Variants in TMEM87B observed in about 807,000 individuals in gnomAD.
TMEM87B encodes transmembrane protein 87B.
A neutral mutation model predicts 80.3 loss-of-function variants in TMEM87B; 83 were observed. The observed-to-expected ratio is 1.03, with a 90% CI of 0.87 to 1.24. The LOEUF (loss-of-function observed/expected upper bound fraction) is 1.24. Among genes scored for constraint, TMEM87B ranks in the 50% most tolerant of loss-of-function variants. TMEM87B has a pLI of 0.00. For missense variants in TMEM87B, 625 were observed against 674.4 expected, an observed-to-expected ratio of 0.93 and a Z score of 0.81; for synonymous variants, 219 against 230.5, an observed-to-expected ratio of 0.95 and a Z score of 0.45.
At chr2:112,082,666 G>A (rs936694220) in intron 8 of TMEM87B, among the ~76,000 whole-genome samples, 3 of 152,130 alleles carry the variant, frequency 2.0e-5, no homozygotes, top group Non-Finnish European at 4.4e-5. Context: ...TGGTGTGTGT[G>A]TGTGTGTGTG....
At chr2:112,092,647 T>C (rs1679339869) in intron 11 of TMEM87B, among the ~76,000 whole-genome samples, 1 of 152,166 alleles carries the variant, frequency 6.6e-6, no homozygotes, top group Non-Finnish European at 1.5e-5. Flanking sequence ...ACCCACGTGA[T>C]AGACTTGCTA....
chr2:112,085,917 GT>G (rs1182847285), intron 8 of TMEM87B, 87 bp from the exon 9 acceptor site: 2 of 1,049,492 alleles, frequency 1.9e-6, no homozygotes. Flanking sequence ...TTCGAATGTA[GT>G]TATACACAGG....
chr2:112,110,322 A>T (rs945041875), intron 17 of TMEM87B, among the ~76,000 whole-genome samples: 31 of 149,400 alleles, frequency 2.1e-4, no homozygotes, highest in African/African-American at 6.9e-4. Context: ...TTTTTCTTTA[A>T]TTTTTTTTCT....
At chr2:112,110,867 T>G (rs1389390267) in intron 17 of TMEM87B, among the ~76,000 whole-genome samples, 3 of 152,216 alleles carry the variant, frequency 2.0e-5, no homozygotes, top group African/African-American at 7.2e-5. Context: ...TCCCACTCGA[T>G]TTGAGCCCCT....
Position 112,100,778 on chromosome 2 carries a change from C to CA in TMEM87B, c.1450+84dup. ...TACCTTTACCCGTGATGCAAGGTCA[C>CA]ATATATTGTTTTTTTCTATAAAATA... On this transcript the variant is annotated intron_variant, in intron 15 of 18. Coordinates refer to ENST00000283206, the MANE Select transcript of TMEM87B (RefSeq NM_032824.3). 6 of 775,118 alleles carry CA rather than the reference C, an allele frequency of 7.7e-6. No homozygotes were observed. In the South Asian group the frequency reaches 1.5e-4, roughly 19 times the overall value. 48.0% of individuals were successfully genotyped at this position (775,118 alleles called of 1,614,324 possible).
intron 12 of TMEM87B, 38 bp downstream of exon 12, chr2:112,097,190 G>A (rs1679495837): frequency 6.3e-7 from 1 of 1,599,992 alleles, no homozygotes; most frequent in African/African-American, 1.4e-5. Flanking sequence ...AATTATCTTA[G>A]TATTGTTATA....
intron 11 of TMEM87B, among the ~76,000 whole-genome samples, 160 bp from the exon 12 acceptor site, chr2:112,096,884 G>T (rs1198688333): frequency 1.3e-5 from 2 of 152,056 alleles, no homozygotes; most frequent in Non-Finnish European, 2.9e-5. Context: ...TATAATGATT[G>T]TACAATATTG....
chr2:112,067,080 C>T lies in TMEM87B; in HGVS notation c.450+13C>T. 6.2e-7 allele frequency: 1 copy of T among 1,605,874 alleles called. No homozygotes were observed. The highest frequency in any genetic ancestry group is 8.5e-7 in the Non-Finnish European group (1 of 1,177,894). ...TCCCTCTTTGAATGTGAGTATCTGACTTGCCATGTTAAAGTTTATTTTATT... is the reference window on the plus strand; with the variant it reads ...TCCCTCTTTGAATGTGAGTATCTGATTTGCCATGTTAAAGTTTATTTTATT... On this transcript the variant is annotated intron_variant, in intron 4 of 18. Transcript: ENST00000283206.
At chr2:112,103,310 T>C (rs1259236951) in intron 15 of TMEM87B, among the ~76,000 whole-genome samples, 1 of 152,112 alleles carries the variant, frequency 6.6e-6, no homozygotes, top group Admixed American at 6.6e-5. Flanking sequence ...AATAAGTAAA[T>C]GTAGAGATAG....
rs775358886 is a variant in TMEM87B at position 112,117,459 on chromosome 2, C to T, written c.*1316C>T. ...ATTTTTTTTCTTTTTCTTTCAAAAGCCTACCTTCTGAATTTATTTCTTGTT... is the reference window on the plus strand; with the variant it reads ...ATTTTTTTTCTTTTTCTTTCAAAAGTCTACCTTCTGAATTTATTTCTTGTT... On this transcript the variant is annotated 3_prime_UTR_variant, in exon 19 of 19. Transcript: ENST00000283206. 3.3e-5 allele frequency: 5 copies of T among 151,912 alleles called. No individual in the cohort carries two copies. Among genetic ancestry groups the T allele is most frequent in the Non-Finnish European group, 5.9e-5 (4 of 67,970 alleles). 9.4% of individuals were successfully genotyped at this position (151,912 alleles called of 1,614,324 possible).
intron 10 of TMEM87B, among the ~76,000 whole-genome samples, chr2:112,090,469 G>A (rs1679267759): frequency 6.6e-6 from 1 of 152,004 alleles, no homozygotes; most frequent in Non-Finnish European, 1.5e-5. Context: ...GGGGTGCAGT[G>A]GTGCAGTGGC....
At chr2:112,107,599 A>G (rs1679806690) in intron 16 of TMEM87B, among the ~76,000 whole-genome samples, 189 bp from the exon 17 acceptor site, 1 of 152,142 alleles carries the variant, frequency 6.6e-6, no homozygotes, top group Non-Finnish European at 1.5e-5. Flanking sequence ...TCTGAAATCT[A>G]ATTTTTGCGT....
chr2:112,088,919 C>T (rs1045238210), intron 9 of TMEM87B, among the ~76,000 whole-genome samples: 9 of 152,048 alleles, frequency 5.9e-5, no homozygotes, highest in East Asian at 1.9e-4. Flanking sequence ...CCACCACCCC[C>T]GGCTAATTGT....
chr2:112,071,834 T>C (rs1678649392), intron 4 of TMEM87B, among the ~76,000 whole-genome samples: 2 of 152,218 alleles, frequency 1.3e-5, no homozygotes. Context: ...ATAGGAGTGA[T>C]GAGAGAGGGC....
chr2:112,106,140 T>TA, intron 16 of TMEM87B, 65 bp downstream of exon 16: 1 of 1,011,774 alleles, frequency 9.9e-7, no homozygotes, highest in Non-Finnish European at 1.4e-6. Flanking sequence ...TAGAGAGCTA[T>TA]ACGAGTGTCA....
rs534034387 is a variant in TMEM87B, at chr2:112,065,727, A to G, written c.319-1209A>G. On this transcript the variant is annotated intron_variant, in intron 3 of 18. Transcript: ENST00000283206. ...GCGCCCCCGCTCCCCCTGCACACAC[A>G]CTCCACACCCCATACCGGAACCAAT... Among the ~76,000 whole-genome samples, 81 of 150,274 alleles carry G rather than the reference A, an allele frequency of 5.4e-4. 1 individual carries two copies. The highest frequency in any genetic ancestry group is 2.0e-3 in the African/African-American group (81 of 40,818).
At chr2:112,064,691 A>C (rs950530236) in intron 3 of TMEM87B, among the ~76,000 whole-genome samples, 1 of 152,200 alleles carries the variant, frequency 6.6e-6, no homozygotes, top group African/African-American at 2.4e-5. Flanking sequence ...AGAGAGAAGG[A>C]GAAAGTGGCT....
chr2:112,080,926 C>A, intron 6 of TMEM87B, 131 bp from the exon 7 acceptor site: 1 of 717,638 alleles, frequency 1.4e-6, no homozygotes, highest in South Asian at 1.7e-5. Context: ...TGTCCAATAC[C>A]ATGTATGTGC....
chr2:112,066,131 C>G (rs1678428893), intron 3 of TMEM87B, among the ~76,000 whole-genome samples: 1 of 152,182 alleles, frequency 6.6e-6, no homozygotes, highest in African/African-American at 2.4e-5. Flanking sequence ...AAACCTTCAG[C>G]CACTTGTTTT....
Sources: allele counts gnomAD v4.1 joint callset (sites outside exome capture counted in the v4.1 genomes callset), GRCh38; gene constraint gnomAD v4.1.1; transcripts MANE v1.5; gene names NCBI Gene and HGNC (gene_info 2026-07-23, HGNC 2026-07-21).